The following SVEP1 variants were observed in gnomAD, a reference collection of about 807,000 sequenced individuals.
The protein encoded by SVEP1 is sushi, von Willebrand factor type A, EGF and pentraxin domain-containing protein 1.
Under a neutral mutation model 367.3 loss-of-function variants are expected in SVEP1, and 164 were observed. The observed-to-expected ratio is 0.45, with a 90% CI of 0.39 to 0.51. The LOEUF is 0.51. Ranked by LOEUF, SVEP1 falls within the 20% of genes least tolerant of loss-of-function variation. The pLI, the probability that SVEP1 is intolerant of heterozygous loss-of-function variation, is 0.00. For missense variants in SVEP1, 4,117 were observed against 4,425.3 expected, an observed-to-expected ratio of 0.93 and a Z score of 1.98; for synonymous variants, 1,666 against 1,611.6, an observed-to-expected ratio of 1.03 and a Z score of -0.81.
At chr9:110,568,332 T>C (rs1830515456) in intron 1 of SVEP1, among the ~76,000 whole-genome samples, 1 of 152,186 alleles carries the variant, frequency 6.6e-6, no homozygotes, top group Non-Finnish European at 1.5e-5. Flanking sequence ...ATTTAGAGAG[T>C]TTTATATACT....
At chr9:110,496,500 G>C (rs1829448609) in intron 8 of SVEP1, among the ~76,000 whole-genome samples, 1 of 152,194 alleles carries the variant, frequency 6.6e-6, no homozygotes, top group Admixed American at 6.5e-5. Context: ...GGTTTGCCAG[G>C]AGTTCTTGTG....
chr9:110,495,373 G>C (rs1381167367), intron 8 of SVEP1, among the ~76,000 whole-genome samples: 1 of 152,096 alleles, frequency 6.6e-6, no homozygotes, highest in Admixed American at 6.6e-5. Flanking sequence ...ATCCAGATGG[G>C]TTCAATGTAA....
chr9:110,400,950 C>T lies in SVEP1; in HGVS notation c.9726G>A (p.Gly3242=). The T allele has an allele frequency of 6.2e-7, 1 of 1,613,890 alleles. No homozygotes were observed. Among genetic ancestry groups the T allele is most frequent in the South Asian group, 1.1e-5 (1 of 91,076 alleles). Residue 3242 remains glycine (G), a synonymous_variant, in exon 40 of 48, where the codon GGG becomes GGA. Transcript: ENST00000374469. ...ATCCATGTTCTGGACTTTCAGGTTT[C>T]CCACAAGAAACTGGACTGCAAGATT... ...SDESCSPVSC[G]KPESPEHGFV...
At chr9:110,372,705 T>C (rs568872707) in intron 46 of SVEP1, among the ~76,000 whole-genome samples, 2 of 151,790 alleles carry the variant, frequency 1.3e-5, no homozygotes, top group Admixed American at 1.3e-4. Flanking sequence ...AAGAGGAAGA[T>C]CATTGCAAAT....
intron 6 of SVEP1, among the ~76,000 whole-genome samples, chr9:110,501,384 C>G (rs887929390): frequency 7.0e-6 from 1 of 142,626 alleles, no homozygotes; most frequent in African/African-American, 2.6e-5. Context: ...TTCTGTTTAT[C>G]ATTGTATATA....
At position 110,430,331 on chromosome 9, in the gene SVEP1, T is replaced by A; in HGVS notation, c.5473A>T (p.Thr1825Ser). 6.2e-7 allele frequency: 1 copy of A among 1,613,526 alleles called. No individual in the cohort carries two copies. The highest frequency in any genetic ancestry group is 8.5e-7 in the Non-Finnish European group (1 of 1,179,728). The change falls in exon 33 of 48, where the codon ACC becomes TCC. Residue 1825 changes from threonine (T) to serine (S), a missense_variant. Physicochemically the swap from Thr to Ser is moderately conservative, Grantham distance 58 (BLOSUM62 1). Coordinates refer to ENST00000374469, the MANE Select transcript of SVEP1 (RefSeq NM_153366.4). ...CCAGACTCCAAACATGTGATTTTGGTTACTCCCATCAACTGGTATCCTTCC... is the reference window on the plus strand; with the variant it reads ...CCAGACTCCAAACATGTGATTTTGGATACTCCCATCAACTGGTATCCTTCC... Reference protein sequence around the residue: ...CQEGYQLMGVTKITCLESGEW... With the variant: ...CQEGYQLMGVSKITCLESGEW...
At chr9:110,370,070 T>C (rs1295080822) in intron 46 of SVEP1, 54 bp from the exon 47 acceptor site, 4 of 1,520,836 alleles carry the variant, frequency 2.6e-6, no homozygotes, top group Admixed American at 3.7e-5. Flanking sequence ...ATTCTGATGA[T>C]ATCCATAAAG....
chr9:110,477,980 T>C (rs556520701), intron 13 of SVEP1, among the ~76,000 whole-genome samples: 2 of 152,290 alleles, frequency 1.3e-5, no homozygotes, highest in Admixed American at 1.3e-4. Context: ...CACAGTCTGA[T>C]TTCTCTTCTT....
At chr9:110,444,089 C>T (rs1252467508) in intron 26 of SVEP1, among the ~76,000 whole-genome samples, 1 of 152,220 alleles carries the variant, frequency 6.6e-6, no homozygotes, top group Non-Finnish European at 1.5e-5. Context: ...TGACATCCTT[C>T]TTCCAGAATG....
chr9:110,529,117 G>A (rs1043094819), intron 3 of SVEP1, among the ~76,000 whole-genome samples: 1 of 151,942 alleles, frequency 6.6e-6, no homozygotes, highest in African/African-American at 2.4e-5. Context: ...CCCAGCACCA[G>A]CTATTGAATA....
chr9:110,459,365 C>T (rs1418267410), intron 18 of SVEP1, among the ~76,000 whole-genome samples: 3 of 152,156 alleles, frequency 2.0e-5, no homozygotes, highest in African/African-American at 4.8e-5. Context: ...TTCCACCTAA[C>T]ATGGTATCAT....
intron 36 of SVEP1, among the ~76,000 whole-genome samples, chr9:110,413,407 G>A (rs1477386750): frequency 8.5e-6 from 1 of 118,092 alleles, no homozygotes; most frequent in East Asian, 2.9e-4. Context: ...GGGGGGAGGG[G>A]GGAGGGATAG....
At chr9:110,576,599 CAA>C (rs1387907520) in intron 1 of SVEP1, among the ~76,000 whole-genome samples, 2 of 151,674 alleles carry the variant, frequency 1.3e-5, no homozygotes, top group Admixed American at 6.6e-5. Flanking sequence ...AAAAAAGAAT[CAA>C]AGAGACTTCA....
chr9:110,437,188 A>T (rs1314872170), intron 27 of SVEP1, among the ~76,000 whole-genome samples: 1 of 152,110 alleles, frequency 6.6e-6, no homozygotes, highest in Non-Finnish European at 1.5e-5. Context: ...AGCATGAGAT[A>T]AGAAAAAGGG....
At chr9:110,380,865 G>T (rs905799806) in intron 43 of SVEP1, among the ~76,000 whole-genome samples, 1 of 152,154 alleles carries the variant, frequency 6.6e-6, no homozygotes, top group Non-Finnish European at 1.5e-5. Context: ...CTCAATTTCA[G>T]AACTAGTTAT....
chr9:110,385,927 G>A lies in SVEP1; in HGVS notation c.10208C>T (p.Thr3403Met), dbSNP rs962588555. Residue 3403 changes from threonine (T) to methionine (M), a missense_variant, in exon 43 of 48, where the codon ACG becomes ATG. By Grantham distance (81) the Thr-to-Met change is moderately conservative (BLOSUM62 -1). Around this residue, in one of 4 missense-constraint regions of SVEP1, gnomAD observed 1,765 missense variants for 1,781.1 expected, o/e 0.99. Transcript: ENST00000374469. The part of the protein sequence containing the change: ...HGIITCNPDE[T>M]WTQTSAKCEK... ...ACATTTGGCGCTTGTCTGTGTCCAC[G>A]TCTCGTCGGGGTTGCAGGTAATGAT... 9 of 1,613,644 alleles carry A rather than the reference G, an allele frequency of 5.6e-6. No individual in the cohort carries two copies. The highest frequency in any genetic ancestry group is 3.3e-4 in the Middle Eastern group (2 of 6,080).
At chr9:110,371,453 AT>A (rs1240361140) in intron 46 of SVEP1, among the ~76,000 whole-genome samples, 2 of 151,918 alleles carry the variant, frequency 1.3e-5, no homozygotes, top group African/African-American at 2.4e-5. Context: ...TCCCGTGAGT[AT>A]TTTTCAATGA....
chr9:110,468,430 T>C (rs973300733), intron 17 of SVEP1, among the ~76,000 whole-genome samples: 3 of 152,196 alleles, frequency 2.0e-5, no homozygotes, highest in African/African-American at 7.2e-5. Context: ...CCGAAGGAAA[T>C]TTGAGAAAAC....
At chr9:110,472,747 A>G (rs1281495184) in intron 14 of SVEP1, among the ~76,000 whole-genome samples, 10 of 152,202 alleles carry the variant, frequency 6.6e-5, no homozygotes, top group African/African-American at 2.4e-4. Context: ...ATACATAAAT[A>G]GATCTCCTCT....
Sources: gnomAD v4.1 joint callset for allele counts (sites outside exome capture counted in the v4.1 genomes callset) on GRCh38, gnomAD v4.1.1 for gene constraint, gnomAD v4.1.1 regional missense constraint, MANE v1.5 for transcripts, NCBI Gene and HGNC (gene_info 2026-07-23, HGNC 2026-07-21) for gene names.